ALMS1: variants seen among roughly 807,000 people sequenced by gnomAD.
ALMS1 encodes ALMS1 centrosome and basal body associated protein, also known as centrosome-associated protein ALMS1.
ALMS1 carries 271 observed loss-of-function variants against 352.2 expected under a neutral mutation model. The ratio of observed to expected loss-of-function variants is 0.77; its 90% CI spans 0.70 to 0.85. The LOEUF is 0.85. Ranked by LOEUF, ALMS1 falls within the 40% of genes least tolerant of loss-of-function variation. The pLI, the probability that ALMS1 is intolerant of heterozygous loss-of-function variation, is 0.00. For missense variants in ALMS1, 5,445 were observed against 4,870.7 expected (o/e 1.12, Z -3.51); for synonymous variants, 1,865 against 1,761.2 (o/e 1.06, Z -1.48).
At chr2:73,508,195 TTTC>T (rs762539052) in intron 10 of ALMS1, among the ~76,000 whole-genome samples, 151 of 145,958 alleles carry the variant, frequency 1.0e-3, no homozygotes, top group South Asian at 8.3e-3. Context: ...CCTGCCCTCC[TTTC>T]TTCTTCTTCT....
intron 16 of ALMS1, among the ~76,000 whole-genome samples, chr2:73,586,897 ATTTG>A (rs935496314): frequency 1.8e-4 from 28 of 151,996 alleles, no homozygotes; most frequent in African/African-American, 6.5e-4. Context: ...ATAGGTTTCC[ATTTG>A]TTTGTGTCAT....
Position 73,451,735 on chromosome 2 carries a change from G to A in ALMS1, c.5208G>A (p.Leu1736=). ...ACAGTGAGCTAACTCAAGAAGCTCT[G>A]AAAGTTTCAGCTGTTCCTCAACCAG... The part of the protein sequence containing the change: ...LPDSELTQEA[L]KVSAVPQPAD... The change falls in exon 8 of 23, where the codon CTG becomes CTA. Residue 1736 remains leucine (L), a synonymous_variant. Transcript: ENST00000613296. 1 of 1,613,976 alleles carries A rather than the reference G, an allele frequency of 6.2e-7. No homozygotes were observed. Among genetic ancestry groups the A allele is most frequent in the Non-Finnish European group, 8.5e-7 (1 of 1,179,972 alleles).
intron 9 of ALMS1, chr2:73,457,052 C>A (rs1672080822): frequency 6.6e-6 from 1 of 152,042 alleles, no homozygotes; most frequent in African/African-American, 2.4e-5. Context: ...AATTCTCTTT[C>A]TGTCAATGTA....
intron 9 of ALMS1, among the ~76,000 whole-genome samples, chr2:73,480,991 A>G (rs1038449110): frequency 7.3e-5 from 11 of 149,924 alleles, no homozygotes; most frequent in Admixed American, 4.0e-4. Flanking sequence ...TTGTCAGATG[A>G]GTAGGTTGCG....
chr2:73,554,521 C>T (rs554839546), intron 13 of ALMS1, among the ~76,000 whole-genome samples: 13 of 150,718 alleles, frequency 8.6e-5, no homozygotes, highest in African/African-American at 2.9e-4. Context: ...CTGGCTAACA[C>T]GGTGAAACCC....
chr2:73,464,097 A>G (rs1317397926), intron 9 of ALMS1, among the ~76,000 whole-genome samples: 1 of 152,238 alleles, frequency 6.6e-6, no homozygotes, highest in Non-Finnish European at 1.5e-5. Flanking sequence ...TCATTTTATG[A>G]GGCCAGCATC....
In ALMS1 at chr2:73,573,754, G is replaced by GT. The variant is rs57792928; in HGVS notation, c.11547+342dup. ...TATTGCTGGGTTTATGTTTATTTGG[G>GT]TTTTTTTTTTTTAATTCATTCCTCT... On this transcript the variant is annotated intron_variant, in intron 16 of 22. Transcript: ENST00000613296. Among the ~76,000 whole-genome samples the GT allele has an allele frequency of 0.028, 4,190 of 147,386 alleles. 501 individuals are homozygous for GT. In the East Asian group the frequency reaches 0.41, roughly 15 times the overall value.
intron 9 of ALMS1, among the ~76,000 whole-genome samples, chr2:73,467,997 A>G (rs2103834368): frequency 6.6e-6 from 1 of 152,188 alleles, no homozygotes; most frequent in African/African-American, 2.4e-5. Context: ...GTATATCTGG[A>G]TATGGGCAGC....
chr2:73,449,392 C>G lies in ALMS1; in HGVS notation c.2865C>G (p.His955Gln). Residue 955 changes from histidine to glutamine, a missense_variant, in exon 8 of 23, where the codon CAC becomes CAG. By Grantham distance (24) the His-to-Gln change is conservative. Coordinates refer to ENST00000613296, the MANE Select transcript of ALMS1 (RefSeq NM_001378454.1). The stretch of plus-strand genomic sequence containing the variant: ...CACCAACAGTGTCCTCTAATTCTCA[C>G]TCACATAGCGAGAAATCTAGTGTTT... ...TGTPTVSSNS[H>Q]SHSEKSSVFY... 1 of 1,614,160 alleles carries G rather than the reference C, an allele frequency of 6.2e-7. No individual in the cohort carries two copies. Among genetic ancestry groups the G allele is most frequent in the Non-Finnish European group, 8.5e-7 (1 of 1,180,010 alleles).
In ALMS1 at chr2:73,491,486, T is replaced by G. The variant is rs774498337; in HGVS notation, c.9527T>G (p.Val3176Gly). The G allele has an allele frequency of 1.9e-6, 3 of 1,613,964 alleles. No homozygotes were observed. In the Admixed American group the frequency reaches 5.0e-5, roughly 27 times the overall value. Reference sequence around the variant, plus strand: ...CATTCCAATCCAGAGGGGACCCCAGTATTTGCAGATCGGTGAGTCTCATTG... The same window carrying G: ...CATTCCAATCCAGAGGGGACCCCAGGATTTGCAGATCGGTGAGTCTCATTG... Reference protein sequence around the residue: ...EGHSNPEGTPVFADRLPEKMK... With the variant: ...EGHSNPEGTPGFADRLPEKMK... Residue 3176 changes from valine (V) to glycine (G), a missense_variant, in exon 10 of 23, where the codon GTA becomes GGA. Val to Gly is a moderately radical substitution (Grantham distance 109, BLOSUM62 -3). Transcript: ENST00000613296.
At chr2:73,491,592 G>T (rs760614004) in intron 10 of ALMS1, 94 bp downstream of exon 10, 2 of 1,355,348 alleles carry the variant, frequency 1.5e-6, no homozygotes, top group African/African-American at 2.9e-5. Flanking sequence ...GGGAAAGGCC[G>T]TGTGATTTCT....
In ALMS1 at chr2:73,550,276, A is replaced by T. The variant is rs746138259; in HGVS notation, c.9917A>T (p.Asp3306Val). ...TVESSHSGSN[D>V]AIAPDFPAQV... Reference sequence around the variant, plus strand: ...CCCCGTTTTTCTGTAGGATCCAATGATGCCATTGCTCCAGACTTCCCAGCT... The same window carrying T: ...CCCCGTTTTTCTGTAGGATCCAATGTTGCCATTGCTCCAGACTTCCCAGCT... The change falls in exon 13 of 23, where the codon GAT becomes GTT. Residue 3306 changes from aspartate (D) to valine (V), a missense_variant. Coordinates refer to ENST00000613296, the MANE Select transcript of ALMS1 (RefSeq NM_001378454.1). The T allele has an allele frequency of 1.1e-5, 18 of 1,613,912 alleles. No homozygotes were observed. The Admixed American group carries it at 3.0e-4, about 27-fold the overall frequency.
intron 2 of ALMS1, among the ~76,000 whole-genome samples, chr2:73,410,272 G>T (rs946127349): frequency 3.3e-5 from 5 of 151,994 alleles, no homozygotes; most frequent in African/African-American, 9.7e-5. Context: ...ACCTGTAATT[G>T]CAGCTACTTG....
At chr2:73,582,149 A>G (rs923098282) in intron 16 of ALMS1, among the ~76,000 whole-genome samples, 5 of 152,108 alleles carry the variant, frequency 3.3e-5, no homozygotes, top group African/African-American at 1.2e-4. Flanking sequence ...TAGCCTTTTG[A>G]GTCACTTTAC....
chr2:73,529,039 G>GTTTTTT (rs34604396), intron 11 of ALMS1, among the ~76,000 whole-genome samples: 20 of 99,490 alleles, frequency 2.0e-4, no homozygotes, highest in South Asian at 3.5e-4. Context: ...CCTCAAAGCA[G>GTTTTTT]TTTTTTTTTT....
At chr2:73,408,587 T>G (rs1558633304) in intron 1 of ALMS1, 35 bp from the exon 2 acceptor site, 1 of 1,604,678 alleles carries the variant, frequency 6.2e-7, no homozygotes, top group East Asian at 2.2e-5. Flanking sequence ...AGTGATTGTG[T>G]TATTACTCTA....
At chr2:73,422,106 T>C (rs1671295199) in intron 3 of ALMS1, among the ~76,000 whole-genome samples, 1 of 152,154 alleles carries the variant, frequency 6.6e-6, no homozygotes, top group Admixed American at 6.5e-5. Flanking sequence ...TTAAAATGTA[T>C]TTATTAATTC....
chr2:73,400,757 T>C (rs893680372), intron 1 of ALMS1, among the ~76,000 whole-genome samples: 13 of 152,178 alleles, frequency 8.5e-5, no homozygotes, highest in African/African-American at 3.1e-4. Flanking sequence ...ATCCTTTTAA[T>C]GTCCATGAGA....
At chr2:73,461,879 A>G (rs1672211231) in intron 9 of ALMS1, among the ~76,000 whole-genome samples, 1 of 152,156 alleles carries the variant, frequency 6.6e-6, no homozygotes, top group Non-Finnish European at 1.5e-5. Flanking sequence ...AATGAATGAA[A>G]TGAAGCGAGA....
Sources: allele counts gnomAD v4.1 joint callset (sites outside exome capture counted in the v4.1 genomes callset), GRCh38; gene constraint gnomAD v4.1.1; transcripts MANE v1.5; gene names NCBI Gene and HGNC (gene_info 2026-07-23, HGNC 2026-07-21).